The following UNC5A variants were observed in gnomAD, a reference collection of about 807,000 sequenced individuals.
UNC5A encodes unc-5 netrin receptor A, also known as netrin receptor UNC5A.
A neutral mutation model predicts 87.4 loss-of-function variants in UNC5A; 20 were observed. The ratio of observed to expected loss-of-function variants is 0.23; its 90% CI spans 0.16 to 0.33. UNC5A has a LOEUF of 0.33. Ranked by LOEUF, UNC5A falls within the 10% of genes least tolerant of loss-of-function variation. The pLI, the probability that UNC5A is intolerant of heterozygous loss-of-function variation, is 1.00. For missense variants in UNC5A, 844 were observed against 1,133.4 expected (o/e 0.74, Z 3.67); for synonymous variants, 438 against 482.3 (o/e 0.91, Z 1.20).
At chr5:176,843,700 C>T (rs1489832863) in intron 1 of UNC5A, among the ~76,000 whole-genome samples, 2 of 152,232 alleles carry the variant, frequency 1.3e-5, no homozygotes, top group Non-Finnish European at 1.5e-5. Context: ...ATTCTCTGGA[C>T]GGGTGGCTTG....
At chr5:176,862,491 C>G (rs2149363786) in intron 1 of UNC5A, 133 bp from the exon 2 acceptor site, 2 of 869,472 alleles carry the variant, frequency 2.3e-6, no homozygotes, top group East Asian at 5.3e-5. Context: ...GATTGCCCAG[C>G]TGGGACATGG....
intron 1 of UNC5A, among the ~76,000 whole-genome samples, chr5:176,835,395 C>T (rs1230500957): frequency 1.3e-5 from 2 of 152,234 alleles, no homozygotes; most frequent in South Asian, 2.1e-4. Flanking sequence ...CCAGAGGGGG[C>T]CTGCCTGTGG....
intron 2 of UNC5A, 100 bp from the exon 3 acceptor site, chr5:176,868,030 C>G: frequency 8.9e-7 from 1 of 1,119,922 alleles, no homozygotes; most frequent in Non-Finnish European, 1.2e-6. Flanking sequence ...AGTCCACTCC[C>G]TTGCCAGTCA....
At chr5:176,829,828 G>T (rs1265701635) in intron 1 of UNC5A, among the ~76,000 whole-genome samples, 1 of 149,330 alleles carries the variant, frequency 6.7e-6, no homozygotes, top group East Asian at 2.0e-4. Flanking sequence ...CATTACCACG[G>T]GGCTGGTTCA....
At chr5:176,858,774 G>A (rs55722312) in intron 1 of UNC5A, among the ~76,000 whole-genome samples, 1,690 of 58,802 alleles carry the variant, frequency 0.029, 113 homozygotes, top group Middle Eastern at 0.043. Context: ...AAGGAAGGAA[G>A]GCAAGCAAGC....
rs781139646 is a variant in UNC5A, at chr5:176,877,261, A to T, written c.1448A>T (p.His483Leu). The T allele has an allele frequency of 6.2e-7, 1 of 1,612,416 alleles. No homozygotes were observed. The highest frequency in any genetic ancestry group is 1.7e-5 in the Admixed American group (1 of 59,986). ...ATCTATGAGATCTACCTCACGCTGC[A>T]CAAGCCGGAAGACGTGAGGTGTGGC... Reference protein sequence around the residue: ...GKIYEIYLTLHKPEDVRLPLA... With the variant: ...GKIYEIYLTLLKPEDVRLPLA... Residue 483 changes from histidine (H) to leucine (L), a missense_variant, in exon 9 of 15, where the codon CAC (histidine) becomes CTC (leucine). By Grantham distance (99) the His-to-Leu change is moderately conservative (BLOSUM62 -3). This residue lies in a region of UNC5A where 353 missense variants were observed against 387.5 expected (regional missense o/e 0.91). Coordinates refer to ENST00000329542, the MANE Select transcript of UNC5A (RefSeq NM_133369.3).
intron 1 of UNC5A, among the ~76,000 whole-genome samples, chr5:176,837,876 C>G (rs1300698455): frequency 2.6e-5 from 4 of 152,108 alleles, no homozygotes; most frequent in Non-Finnish European, 5.9e-5. Context: ...GGCTGTCCCT[C>G]TGCGGACTCG....
At position 176,875,807 on chromosome 5, in the gene UNC5A, A is replaced by G. The variant is rs1294856545; in HGVS notation, c.1378+1241A>G. Among the ~76,000 whole-genome samples the G allele has an allele frequency of 6.6e-6, 1 of 152,056 alleles. No homozygotes were observed. Among genetic ancestry groups the G allele is most frequent in the African/African-American group, 2.4e-5 (1 of 41,388 alleles). ...CCCGACACACGGTGCTGCCCTCTGC[A>G]TGCACCGACCCCCTGCCCCTCCCAC... is the stretch of plus-strand genomic sequence containing the variant. On this transcript the variant is annotated intron_variant, in intron 8 of 14. Coordinates refer to ENST00000329542, the MANE Select transcript of UNC5A (RefSeq NM_133369.3). This position sits in a 1 kb window ranked among gnomAD's most constrained non-coding sequence, Gnocchi z 5.2.
intron 1 of UNC5A, among the ~76,000 whole-genome samples, chr5:176,849,830 A>T (rs1026521060): frequency 7.2e-5 from 11 of 152,204 alleles, no homozygotes; most frequent in African/African-American, 2.7e-4. Flanking sequence ...CCCAGCAAGT[A>T]CATACCCTGG....
chr5:176,840,123 C>G (rs956176271), intron 1 of UNC5A, among the ~76,000 whole-genome samples: 15 of 152,292 alleles, frequency 9.8e-5, no homozygotes, highest in Non-Finnish European at 2.1e-4. Context: ...TCCCAAAGTG[C>G]TGGGATTACA....
chr5:176,836,697 C>T (rs922319749), intron 1 of UNC5A, among the ~76,000 whole-genome samples: 1 of 152,142 alleles, frequency 6.6e-6, no homozygotes, highest in African/African-American at 2.4e-5. Context: ...CTTCACTATG[C>T]CCCAGCCTGA....
chr5:176,850,469 G>C (rs1442440296), intron 1 of UNC5A, among the ~76,000 whole-genome samples: 1 of 151,930 alleles, frequency 6.6e-6, no homozygotes, highest in Non-Finnish European at 1.5e-5. Flanking sequence ...CACGAGGGAG[G>C]AAAGGAGGGA....
At position 176,859,249 on chromosome 5, in the gene UNC5A, G is replaced by C. The variant is rs75812296; in HGVS notation, c.71-3375G>C. Reference sequence around the variant, plus strand: ...TCCTTGCTAGAGGGCATAGCTGCTAGAATGCCCTTGCTAGAGGGCATAGCT... The same window carrying C: ...TCCTTGCTAGAGGGCATAGCTGCTACAATGCCCTTGCTAGAGGGCATAGCT... On this transcript the variant is annotated intron_variant, in intron 1 of 14. Coordinates refer to ENST00000329542, the MANE Select transcript of UNC5A (RefSeq NM_133369.3). Among the ~76,000 whole-genome samples, 167 of 36,956 alleles carry C rather than the reference G, an allele frequency of 4.5e-3. 15 individuals carry two copies. The highest frequency in any genetic ancestry group is 6.5e-3 in the Non-Finnish European group (103 of 15,892). The allele number at this position is 36,956 out of a possible 152,430, so 24.2% of individuals were successfully genotyped here.
At chr5:176,851,834 G>A (rs960284681) in intron 1 of UNC5A, among the ~76,000 whole-genome samples, 2 of 152,198 alleles carry the variant, frequency 1.3e-5, no homozygotes, top group Admixed American at 1.3e-4. Flanking sequence ...CGGCCTTATG[G>A]TGCGTGTGCC....
At chr5:176,847,770 C>A (rs1178516065) in intron 1 of UNC5A, among the ~76,000 whole-genome samples, 2 of 152,104 alleles carry the variant, frequency 1.3e-5, no homozygotes, top group Admixed American at 6.6e-5. Flanking sequence ...TATTAAGAGC[C>A]AATGACCCCT....
chr5:176,856,258 G>T (rs1321788155), intron 1 of UNC5A, among the ~76,000 whole-genome samples: 1 of 152,232 alleles, frequency 6.6e-6, no homozygotes, highest in Admixed American at 6.5e-5. Context: ...CTCCCAGACT[G>T]CAGGTGAGGA....
intron 1 of UNC5A, among the ~76,000 whole-genome samples, chr5:176,819,319 C>CT (rs1175742924): frequency 6.6e-6 from 1 of 152,130 alleles, no homozygotes; most frequent in African/African-American, 2.4e-5. Flanking sequence ...ACATGGGACA[C>CT]TAAGTGTATC....
intron 1 of UNC5A, among the ~76,000 whole-genome samples, chr5:176,815,974 G>C (rs930981431): frequency 6.6e-6 from 1 of 152,222 alleles, no homozygotes; most frequent in Non-Finnish European, 1.5e-5. Context: ...CTGACTCTCA[G>C]GACATGGCAC....
intron 1 of UNC5A, among the ~76,000 whole-genome samples, chr5:176,833,005 C>T (rs1757064513): frequency 6.6e-6 from 1 of 152,210 alleles, no homozygotes; most frequent in African/African-American, 2.4e-5. Flanking sequence ...CATTCCCTCC[C>T]CAGTGCCACA....
Sources: allele counts gnomAD v4.1 joint callset (sites outside exome capture counted in the v4.1 genomes callset), GRCh38; gene constraint gnomAD v4.1.1; regional missense constraint gnomAD v4.1.1; non-coding constraint Gnocchi (gnomAD v3.1); transcripts MANE v1.5; gene names NCBI Gene and HGNC (gene_info 2026-07-23, HGNC 2026-07-21).